ESRRG: variants seen among roughly 807,000 people sequenced by gnomAD.
ESRRG encodes estrogen related receptor gamma.
Under a neutral mutation model 44.0 loss-of-function variants are expected in ESRRG, and 13 were observed. That is an observed-to-expected ratio of 0.30 (90% CI 0.19 to 0.47). The LOEUF (loss-of-function observed/expected upper bound fraction) is 0.47. Among genes scored for constraint, ESRRG ranks in the 20% least tolerant of loss-of-function variants. ESRRG has a pLI of 1.00. For synonymous variants in ESRRG, 215 were observed against 214.6 expected, an observed-to-expected ratio of 1.00 and a Z score of -0.02; for missense variants, 395 against 580.6, an observed-to-expected ratio of 0.68 and a Z score of 3.29.
chr1:216,766,482 T>C (rs1338766536), intron 2 of ESRRG, among the ~76,000 whole-genome samples: 2 of 151,680 alleles, frequency 1.3e-5, no homozygotes, highest in Non-Finnish European at 2.9e-5. Context: ...ATTACTAAGA[T>C]AAAAAAAGAA....
At chr1:216,943,571 A>G (rs2065596419) in intron 1 of ESRRG, among the ~76,000 whole-genome samples, 1 of 152,196 alleles carries the variant, frequency 6.6e-6, no homozygotes, top group Non-Finnish European at 1.5e-5. Flanking sequence ...TTGAATTCCA[A>G]AACCTTAGGA....
chr1:217,137,042 G>A (rs561828299), intron 1 of ESRRG, among the ~76,000 whole-genome samples: 1 of 152,242 alleles, frequency 6.6e-6, no homozygotes, highest in South Asian at 2.1e-4. Context: ...AGCCCGTCCC[G>A]TGGGCCTAAA....
intron 2 of ESRRG, among the ~76,000 whole-genome samples, chr1:216,903,686 A>T (rs180675549): frequency 9.9e-5 from 15 of 152,054 alleles, no homozygotes; most frequent in Admixed American, 7.9e-4. Flanking sequence ...GAAAAAAAAA[A>T]CACTCTGAAG....
intron 1 of ESRRG, among the ~76,000 whole-genome samples, chr1:217,070,578 A>C (rs1558190688): frequency 3.3e-5 from 5 of 152,114 alleles, no homozygotes; most frequent in Admixed American, 3.3e-4. Flanking sequence ...ACAAGGTTTC[A>C]CCACATTGGC....
rs1185296312 is a variant in ESRRG, at chr1:216,625,832, T to C, written c.589+25141A>G. On this transcript the variant is annotated intron_variant, in intron 3 of 6. Transcript: ENST00000408911. Reference sequence around the variant, plus strand: ...TTACTCACTCAATTATTTTCAGTAATTATGTATTTCTTTTAGCCACTATCC... The same window carrying C: ...TTACTCACTCAATTATTTTCAGTAACTATGTATTTCTTTTAGCCACTATCC... Among the ~76,000 whole-genome samples the C allele has an allele frequency of 2.0e-5, 3 of 152,214 alleles. No homozygotes were observed. In the East Asian group the frequency reaches 5.8e-4, roughly 29 times the overall value.
intron 3 of ESRRG, among the ~76,000 whole-genome samples, chr1:216,632,773 G>T (rs539135126): frequency 2.0e-5 from 3 of 151,980 alleles, no homozygotes; most frequent in African/African-American, 7.2e-5. Flanking sequence ...AAAAAAGTGG[G>T]GAGGTTCCCC....
At chr1:217,077,423 G>A (rs2151493216) in intron 1 of ESRRG, among the ~76,000 whole-genome samples, 1 of 152,254 alleles carries the variant, frequency 6.6e-6, no homozygotes, top group Non-Finnish European at 1.5e-5. Context: ...TCAGTCTGTG[G>A]TCTCCATCTG....
intron 2 of ESRRG, among the ~76,000 whole-genome samples, chr1:216,901,733 T>A (rs117422684): frequency 6.6e-6 from 1 of 151,804 alleles, no homozygotes; most frequent in African/African-American, 2.4e-5. Context: ...TCTTAAAAAG[T>A]AATTAGTGGC....
chr1:216,775,515 G>C (rs1268681494), intron 2 of ESRRG, among the ~76,000 whole-genome samples: 1 of 135,602 alleles, frequency 7.4e-6, no homozygotes, highest in Non-Finnish European at 1.5e-5. Context: ...AACCCTGACA[G>C]CATGGAGTCT....
chr1:216,573,340 T>C (rs901662447), intron 3 of ESRRG, among the ~76,000 whole-genome samples: 1 of 151,992 alleles, frequency 6.6e-6, no homozygotes, highest in Non-Finnish European at 1.5e-5. Context: ...CATAACTATT[T>C]CTATAAACTT....
intron 3 of ESRRG, among the ~76,000 whole-genome samples, chr1:216,607,962 G>T (rs1191326427): frequency 2.0e-5 from 3 of 152,090 alleles, no homozygotes; most frequent in Non-Finnish European, 4.4e-5. Flanking sequence ...GAAAGAAGAG[G>T]GTGGCATGAT....
At chr1:216,511,929 A>G (rs554295061) in intron 6 of ESRRG, among the ~76,000 whole-genome samples, 1 of 152,334 alleles carries the variant, frequency 6.6e-6, no homozygotes, top group South Asian at 2.1e-4. Context: ...TCAATAGGAC[A>G]CCAATTATTT....
chr1:216,595,100 A>AG (rs1309539703), intron 3 of ESRRG, among the ~76,000 whole-genome samples: 1 of 152,258 alleles, frequency 6.6e-6, no homozygotes, highest in Non-Finnish European at 1.5e-5. Flanking sequence ...TCTATGAAAG[A>AG]GGACAGGGAC....
intron 1 of ESRRG, among the ~76,000 whole-genome samples, chr1:216,945,195 G>A (rs981636451): frequency 6.6e-5 from 10 of 152,100 alleles, no homozygotes; most frequent in African/African-American, 2.4e-4. Context: ...AGAAACAAAA[G>A]GGGAGGGAAA....
intron 2 of ESRRG, among the ~76,000 whole-genome samples, chr1:216,665,343 G>A (rs1326761294): frequency 1.3e-5 from 2 of 152,042 alleles, no homozygotes; most frequent in Non-Finnish European, 2.9e-5. Flanking sequence ...AGATAATGGG[G>A]GACTCCTGTA....
intron 5 of ESRRG, among the ~76,000 whole-genome samples, chr1:216,526,767 A>G (rs1235309210): frequency 1.3e-5 from 2 of 152,198 alleles, no homozygotes; most frequent in African/African-American, 4.8e-5. Context: ...ATGAAGCACA[A>G]GGCTGTCTGG....
intron 1 of ESRRG, among the ~76,000 whole-genome samples, chr1:216,974,351 A>G (rs1202826238): frequency 6.6e-6 from 1 of 152,186 alleles, no homozygotes. Flanking sequence ...AATACATGCA[A>G]CTATTATATA....
intron 1 of ESRRG, among the ~76,000 whole-genome samples, chr1:217,077,278 G>T (rs541396442): frequency 6.2e-4 from 94 of 152,276 alleles, no homozygotes; most frequent in African/African-American, 2.3e-3. Context: ...TAATCTGAGA[G>T]AAATTAATCT....
intron 2 of ESRRG, among the ~76,000 whole-genome samples, chr1:216,905,640 T>A (rs1275211510): frequency 6.6e-6 from 1 of 152,192 alleles, no homozygotes; most frequent in Non-Finnish European, 1.5e-5. Flanking sequence ...TCACTGTAGC[T>A]TCAGGGTCAG....
Sources: gnomAD v4.1 joint callset for allele counts (sites outside exome capture counted in the v4.1 genomes callset) on GRCh38, gnomAD v4.1.1 for gene constraint, MANE v1.5 for transcripts, NCBI Gene and HGNC (gene_info 2026-07-23, HGNC 2026-07-21) for gene names.